Variants in CXCL13 observed in about 807,000 individuals in gnomAD.
CXCL13 encodes C-X-C motif chemokine 13.
In CXCL13, 7 loss-of-function variants were observed where a neutral mutation model predicts 12.2. The observed-to-expected ratio is 0.57, with a 90% confidence interval of 0.33 to 1.07. CXCL13 has a LOEUF of 1.07. CXCL13 is among the 50% of genes least tolerant of loss of function. The probability of loss-of-function intolerance (pLI) is 0.04; values close to 1 mark genes in which losing one functional copy is unlikely to be tolerated. For synonymous variants in CXCL13, 47 were observed against 42.4 expected (o/e 1.11, Z -0.42); for missense variants, 113 against 127.4 (o/e 0.89, Z 0.55).
At chr4:77,534,726 C>G (rs369486505) in intron 1 of CXCL13, among the ~76,000 whole-genome samples, 1 of 152,190 alleles carries the variant, frequency 6.6e-6, no homozygotes, top group African/African-American at 2.4e-5. Context: ...CCATTTAGTG[C>G]AGGCCTCAGG....
At position 77,611,341 on chromosome 4, in the gene CXCL13, A is replaced by G; in HGVS notation, c.*302A>G. On this transcript the variant is annotated 3_prime_UTR_variant, in exon 4 of 4. Coordinates refer to ENST00000682537, the MANE Select transcript of CXCL13 (RefSeq NM_001371558.1). ...ATTATATACTTGTTGTTTAATGTTTAAAATTTCTTAGAAAACAATGGAATG... is the reference window on the plus strand; with the variant it reads ...ATTATATACTTGTTGTTTAATGTTTGAAATTTCTTAGAAAACAATGGAATG... The G allele has an allele frequency of 2.8e-6, 1 of 358,112 alleles. No individual in the cohort carries two copies. Among genetic ancestry groups the G allele is most frequent in the Non-Finnish European group, 4.9e-6 (1 of 202,202 alleles). 22.2% of individuals were successfully genotyped at this position (358,112 alleles called of 1,614,324 possible).
At chr4:77,596,521 A>G (rs1415265833) in intron 1 of CXCL13, among the ~76,000 whole-genome samples, 1 of 152,192 alleles carries the variant, frequency 6.6e-6, no homozygotes. Context: ...ACAGTGGCTC[A>G]TGCCTGTAAT....
chr4:77,550,635 C>CAATTGAT (rs1725492453), intron 1 of CXCL13, among the ~76,000 whole-genome samples: 1 of 152,102 alleles, frequency 6.6e-6, no homozygotes, highest in Non-Finnish European at 1.5e-5. Flanking sequence ...GTCCTAGGTC[C>CAATTGAT]AATTGATCAA....
At chr4:77,512,122 T>C (rs1724291841) in intron 1 of CXCL13, among the ~76,000 whole-genome samples, 1 of 152,188 alleles carries the variant, frequency 6.6e-6, no homozygotes. Flanking sequence ...ACTTAAACTG[T>C]GAATCTGATT....
intron 1 of CXCL13, among the ~76,000 whole-genome samples, chr4:77,593,512 A>G (rs17002735): frequency 0.042 from 6,333 of 152,344 alleles, 418 homozygotes; most frequent in African/African-American, 0.14. Context: ...AGTCGACTCC[A>G]GAATAAAAGT....
chr4:77,517,019 T>TA (rs1724439491), intron 1 of CXCL13, among the ~76,000 whole-genome samples: 2 of 152,222 alleles, frequency 1.3e-5, no homozygotes, highest in Non-Finnish European at 2.9e-5. Context: ...TTTGTTCTCG[T>TA]TGGTTTCAAA....
chr4:77,518,614 C>G (rs562454542), intron 1 of CXCL13, among the ~76,000 whole-genome samples: 2 of 152,210 alleles, frequency 1.3e-5, no homozygotes, highest in African/African-American at 4.8e-5. Flanking sequence ...GCATTCTTCA[C>G]GTCGTTCTCG....
chr4:77,513,691 A>G (rs191279082), intron 1 of CXCL13, among the ~76,000 whole-genome samples: 75 of 151,994 alleles, frequency 4.9e-4, no homozygotes, highest in Non-Finnish European at 9.0e-4. Flanking sequence ...TGACCTTGTG[A>G]TCCACCCAAC....
intron 1 of CXCL13, among the ~76,000 whole-genome samples, chr4:77,555,577 A>T (rs1273092701): frequency 6.6e-6 from 1 of 152,122 alleles, no homozygotes; most frequent in Non-Finnish European, 1.5e-5. Flanking sequence ...TTACAACAAA[A>T]CATAGGAAAA....
chr4:77,586,901 C>T (rs1249594824), intron 1 of CXCL13, among the ~76,000 whole-genome samples: 1 of 152,134 alleles, frequency 6.6e-6, no homozygotes, highest in African/African-American at 2.4e-5. Flanking sequence ...GTTTGACCCC[C>T]ACATCTCCTG....
chr4:77,555,627 A>G (rs185056046), intron 1 of CXCL13, among the ~76,000 whole-genome samples: 39 of 152,256 alleles, frequency 2.6e-4, no homozygotes, highest in Non-Finnish European at 4.7e-4. Context: ...TTTCTTAGAT[A>G]TCACATAAAA....
intron 1 of CXCL13, among the ~76,000 whole-genome samples, chr4:77,523,615 C>CT (rs1301972707): frequency 6.6e-6 from 1 of 152,176 alleles, no homozygotes; most frequent in African/African-American, 2.4e-5. Flanking sequence ...ATTTGTCTAA[C>CT]TTTTTTCACG....
intron 1 of CXCL13, among the ~76,000 whole-genome samples, chr4:77,581,925 TTCTATTAC>T (rs1726343132): frequency 6.6e-6 from 1 of 152,204 alleles, no homozygotes; most frequent in African/African-American, 2.4e-5. Context: ...CAATTTTGGT[TTCTATTAC>T]TCTACTGAAA....
intron 1 of CXCL13, among the ~76,000 whole-genome samples, chr4:77,572,890 A>T (rs1012078115): frequency 1.3e-5 from 2 of 151,934 alleles, no homozygotes; most frequent in African/African-American, 4.9e-5. Context: ...TACACCATGG[A>T]ATACTATGCA....
chr4:77,567,783 T>C (rs1725973497), intron 1 of CXCL13, among the ~76,000 whole-genome samples: 1 of 152,174 alleles, frequency 6.6e-6, no homozygotes, highest in Non-Finnish European at 1.5e-5. Context: ...CTACTCTGTA[T>C]GGTCTAAAGA....
chr4:77,531,405 G>C (rs1284143230), intron 1 of CXCL13, among the ~76,000 whole-genome samples: 1 of 151,122 alleles, frequency 6.6e-6, no homozygotes, highest in Non-Finnish European at 1.5e-5. Context: ...ACTGTGGTCT[G>C]AGAGACAGTT....
At chr4:77,512,095 A>G (rs757465703) in intron 1 of CXCL13, among the ~76,000 whole-genome samples, 1 of 152,138 alleles carries the variant, frequency 6.6e-6, no homozygotes, top group African/African-American at 2.4e-5. Context: ...TTTGATCGAA[A>G]CTTTAAAGCT....
At chr4:77,547,412 T>C (rs1725392198) in intron 1 of CXCL13, among the ~76,000 whole-genome samples, 1 of 152,230 alleles carries the variant, frequency 6.6e-6, no homozygotes, top group African/African-American at 2.4e-5. Flanking sequence ...ATCTGGATGC[T>C]CCTGTATTGG....
At chr4:77,608,388 C>T (rs1281815635) in intron 2 of CXCL13, among the ~76,000 whole-genome samples, 8 of 150,680 alleles carry the variant, frequency 5.3e-5, no homozygotes, top group African/African-American at 2.0e-4. Flanking sequence ...TGCGGTGAGC[C>T]GAGATCACGC....
Sources: allele counts gnomAD v4.1 joint callset (sites outside exome capture counted in the v4.1 genomes callset), GRCh38; gene constraint gnomAD v4.1.1; transcripts MANE v1.5; gene names NCBI Gene and HGNC (gene_info 2026-07-23, HGNC 2026-07-21).